The following ATXN2L variants were observed in gnomAD, a reference collection of about 807,000 sequenced individuals.
ATXN2L encodes ataxin-2-like protein.
In ATXN2L, 24 loss-of-function variants were observed where a neutral mutation model predicts 120.7. That is an observed-to-expected ratio of 0.20 (90% confidence interval 0.14 to 0.28). The LOEUF is 0.28. ATXN2L is among the 10% of genes least tolerant of loss of function. The pLI is 1.00. For missense variants in ATXN2L, 1,312 were observed against 1,432.3 expected (o/e 0.92, Z 1.36); for synonymous variants, 653 against 568.1 (o/e 1.15, Z -2.13).
chr16:28,823,219 T>C lies in ATXN2L; in HGVS notation c.-41T>C. 1 of 1,212,456 alleles carries C rather than the reference T, an allele frequency of 8.2e-7. No homozygotes were observed. The allele number at this position is 1,212,456 out of a possible 1,614,324, so 75.1% of individuals were successfully genotyped here. On this transcript the variant is annotated 5_prime_UTR_variant, in exon 1 of 22. Transcript: ENST00000336783. ...GGGGCCCCAGCCCCGGCCCCCTCTC[T>C]CCCTCCCTTCTCTCTAATTCCCCTT...
Position 28,825,357 on chromosome 16 carries a change from C to G in ATXN2L, c.300-9C>G. 6.2e-7 allele frequency: 1 copy of G among 1,613,758 alleles called. No homozygotes were observed. The highest frequency in any genetic ancestry group is 8.5e-7 in the Non-Finnish European group (1 of 1,179,798). On this transcript the variant is annotated splice_polypyrimidine_tract_variant and intron_variant, in intron 1 of 21. Transcript: ENST00000336783. ...ACAGACTTAAGTAATTTCTTGTTTT[C>G]TTTTATAGGGGACAGAGCACAGGAA...
At chr16:28,835,826 T>C in intron 21 of ATXN2L, 68 bp downstream of exon 21, 2 of 1,602,208 alleles carry the variant, frequency 1.2e-6, no homozygotes, top group Admixed American at 1.7e-5. Flanking sequence ...GACCATCCCA[T>C]TGCCAAGTCC....
Position 28,834,569 on chromosome 16 carries a change from C to T in ATXN2L, c.2309C>T (p.Ala770Val), listed in dbSNP as rs755866196. Residue 770 changes from alanine to valine, a missense_variant, in exon 18 of 22, where the codon GCC becomes GTC. Transcript: ENST00000336783. ...GCCTCAGCCCCGCCGATGATGCAGG[C>T]CGCCGCGGCTGCTGGCCCGCCTCTG... The part of the protein sequence containing the change: ...QPASAPPMMQ[A>V]AAAAGPPLVA... The T allele has an allele frequency of 6.2e-7, 1 of 1,612,470 alleles. No homozygotes were observed. The highest frequency in any genetic ancestry group is 1.3e-5 in the African/African-American group (1 of 74,920).
intron 8 of ATXN2L, among the ~76,000 whole-genome samples, chr16:28,830,317 T>C (rs1043522917): frequency 2.0e-5 from 3 of 152,220 alleles, no homozygotes; most frequent in Admixed American, 1.3e-4. Context: ...ATTATTTGTG[T>C]CTTTTAAAAA....
rs1163263637 is a variant in ATXN2L, at chr16:28,823,048, A to C, written c.-212A>C. 7.2e-6 allele frequency: 2 copies of C among 276,540 alleles called. No individual in the cohort carries two copies. Among genetic ancestry groups the C allele is most frequent in the East Asian group, 6.6e-5 (1 of 15,258 alleles). The allele number at this position is 276,540 out of a possible 1,614,324, so 17.1% of individuals were successfully genotyped here. ...GGCTCGCGCCCTCTCGCTTTCCTCCAGCCGCGAGACCCCCTCCCCTTCCGC... is the reference window on the plus strand; with the variant it reads ...GGCTCGCGCCCTCTCGCTTTCCTCCCGCCGCGAGACCCCCTCCCCTTCCGC... On this transcript the variant is annotated 5_prime_UTR_variant, in exon 1 of 22. Transcript: ENST00000336783.
chr16:28,823,309 C>T lies in ATXN2L; in HGVS notation c.50C>T (p.Pro17Leu), dbSNP rs745717480. 1.3e-6 allele frequency: 2 copies of T among 1,492,808 alleles called. No individual in the cohort carries two copies. Among genetic ancestry groups the T allele is most frequent in the Admixed American group, 4.5e-5 (2 of 44,914 alleles). 92.5% of individuals were successfully genotyped at this position (1,492,808 alleles called of 1,614,324 possible). ...LQQPSQPQQP[P>L]PTQQAVARRP... ...CAGCCCTCCCAGCCCCAGCAGCCGC[C>T]CCCCACGCAACAGGCCGTGGCCCGT... The change falls in exon 1 of 22, where the codon CCC becomes CTC. Residue 17 changes from proline (P) to leucine (L), a missense_variant. Coordinates refer to ENST00000336783, the MANE Select transcript of ATXN2L (RefSeq NM_007245.4).
intron 1 of ATXN2L, chr16:28,824,211 G>A: frequency 9.3e-7 from 1 of 1,069,852 alleles, no homozygotes; most frequent in Non-Finnish European, 1.1e-6. Flanking sequence ...GAACACCTAG[G>A]GCAGGGACTA....
chr16:28,823,711 A>T, intron 1 of ATXN2L, 153 bp downstream of exon 1: 2 of 803,664 alleles, frequency 2.5e-6, no homozygotes, highest in South Asian at 5.6e-5. Flanking sequence ...AGGTCCGAAC[A>T]GGTCGGACGG....
chr16:28,833,040 G>A lies in ATXN2L; in HGVS notation c.1660-19G>A. ...TAGGGTCTGGGTCAGACTGGACTGT[G>A]TGTGTTTCTCTCTTCCAGCTTCAGC... On this transcript the variant is annotated intron_variant, in intron 13 of 21. Coordinates refer to ENST00000336783, the MANE Select transcript of ATXN2L (RefSeq NM_007245.4). 6.2e-7 allele frequency: 1 copy of A among 1,611,850 alleles called. No individual in the cohort carries two copies.
In ATXN2L at chr16:28,823,024, GC is replaced by G. The variant is rs1555499197; in HGVS notation, c.-235del. On this transcript the variant is annotated 5_prime_UTR_variant, in exon 1 of 22. Coordinates refer to ENST00000336783, the MANE Select transcript of ATXN2L (RefSeq NM_007245.4). ...GGCGACGCGCACGCGCGCCAGCCCG[GC>G]TCGCGCCCTCTCGCTTTCCTCCAGC... 4.7e-6 allele frequency: 1 copy of G among 212,066 alleles called. No homozygotes were observed. The highest frequency in any genetic ancestry group is 8.9e-6 in the Non-Finnish European group (1 of 111,912). The allele number at this position is 212,066 out of a possible 1,614,324, so 13.1% of individuals were successfully genotyped here.
In ATXN2L at chr16:28,823,336, G is replaced by A. The variant is rs1310198638; in HGVS notation, c.77G>A (p.Arg26Gln). Reference sequence around the variant, plus strand: ...CCCACGCAACAGGCCGTGGCCCGTCGGCCCCCCGGGGGCACCAGCCCTCCC... The same window carrying A: ...CCCACGCAACAGGCCGTGGCCCGTCAGCCCCCCGGGGGCACCAGCCCTCCC... Reference protein sequence around the residue: ...PPPTQQAVARRPPGGTSPPNG... With the variant: ...PPPTQQAVARQPPGGTSPPNG... Residue 26 changes from arginine to glutamine, a missense_variant, in exon 1 of 22, where the codon CGG becomes CAG. Physicochemically the swap from Arg to Gln is conservative, Grantham distance 43. Coordinates refer to ENST00000336783, the MANE Select transcript of ATXN2L (RefSeq NM_007245.4). 4.3e-6 allele frequency: 6 copies of A among 1,387,748 alleles called. No homozygotes were observed. The Admixed American group carries it at 8.6e-5, about 20-fold the overall frequency. 86.0% of individuals were successfully genotyped at this position (1,387,748 alleles called of 1,614,324 possible).
chr16:28,830,936 CAAAA>C (rs373844681), intron 9 of ATXN2L, 22 bp from the exon 10 acceptor site: 60 of 1,270,424 alleles, frequency 4.7e-5, no homozygotes, highest in Admixed American at 9.1e-5. Context: ...ATTTTCTTCT[CAAAA>C]AAAAAAAAAA....
Position 28,823,254 on chromosome 16 carries a change from G to C in ATXN2L, c.-6G>C. The C allele has an allele frequency of 6.9e-7, 1 of 1,457,878 alleles. No homozygotes were observed. The highest frequency in any genetic ancestry group is 1.5e-5 in the African/African-American group (1 of 67,938). The allele number at this position is 1,457,878 out of a possible 1,614,324, so 90.3% of individuals were successfully genotyped here. A position where few individuals can be genotyped will look rare whatever the true frequency, so the allele number is the denominator to read the frequency against. On this transcript the variant is annotated 5_prime_UTR_variant, in exon 1 of 22. Transcript: ENST00000336783. ...CTCTCTAATTCCCCTTCCGGACGCTGCCATCATGTTGAAGCCTCAGCCGCT... is the reference window on the plus strand; with the variant it reads ...CTCTCTAATTCCCCTTCCGGACGCTCCCATCATGTTGAAGCCTCAGCCGCT...
chr16:28,829,695 T>C (rs1265011532), intron 7 of ATXN2L, 163 bp from the exon 8 acceptor site: 2 of 797,324 alleles, frequency 2.5e-6, no homozygotes, highest in Admixed American at 2.4e-5. Flanking sequence ...AGATAAGCCT[T>C]GGTGCTCTAC....
chr16:28,825,740 ACACT>A (rs2051682603), intron 3 of ATXN2L, 26 bp from the exon 4 acceptor site: 5 of 1,613,550 alleles, frequency 3.1e-6, no homozygotes, highest in Non-Finnish European at 4.2e-6. Context: ...CTTTCTGGAG[ACACT>A]CTTCTTATTT....
chr16:28,826,718 TG>T, intron 5 of ATXN2L, 143 bp from the exon 6 acceptor site: 1 of 989,658 alleles, frequency 1.0e-6, no homozygotes, highest in Non-Finnish European at 1.4e-6. Flanking sequence ...CCCCACCCCC[TG>T]GCCATCCTAA....
At chr16:28,834,939 T>C (rs1226321991) in intron 18 of ATXN2L, 119 bp from the exon 19 acceptor site, 9 of 1,364,344 alleles carry the variant, frequency 6.6e-6, no homozygotes, top group East Asian at 2.3e-5. Flanking sequence ...TCGTTATGAA[T>C]GTTGAATCAA....
chr16:28,826,852 G>C lies in ATXN2L; in HGVS notation c.617-10G>C. 1 of 1,564,112 alleles carries C rather than the reference G, an allele frequency of 6.4e-7. No homozygotes were observed. The highest frequency in any genetic ancestry group is 8.7e-7 in the Non-Finnish European group (1 of 1,149,870). ...AGCCTGACTCCTGATCTTCACCTCT[G>C]CCCCCACAGACAAGTTCACCGATTC... On this transcript the variant is annotated splice_polypyrimidine_tract_variant and intron_variant, in intron 5 of 21. Coordinates refer to ENST00000336783, the MANE Select transcript of ATXN2L (RefSeq NM_007245.4).
Position 28,835,075 on chromosome 16 carries a change from G to A in ATXN2L, c.2451G>A (p.Met817Ile), listed in dbSNP as rs369126374. 2.0e-5 allele frequency: 33 copies of A among 1,612,924 alleles called. No individual in the cohort carries two copies. Among genetic ancestry groups the A allele is most frequent in the Admixed American group, 3.3e-5 (2 of 59,892 alleles). The change falls in exon 19 of 22, where the codon ATG (methionine) becomes ATA (isoleucine). Residue 817 changes from methionine (M) to isoleucine (I), a missense_variant. Physicochemically the swap from Met to Ile is conservative, Grantham distance 10 (BLOSUM62 1). Coordinates refer to ENST00000336783, the MANE Select transcript of ATXN2L (RefSeq NM_007245.4). Reference protein sequence around the residue: ...HYPSQPVFAPMLQSNPRMLTS... With the variant: ...HYPSQPVFAPILQSNPRMLTS... ...CCCGCCAGCCGGTGTTTGCCCCCAT[G>A]CTTCAGAGCAACCCACGCATGCTGA...
Sources: gnomAD v4.1 joint callset for allele counts (sites outside exome capture counted in the v4.1 genomes callset) on GRCh38, gnomAD v4.1.1 for gene constraint, MANE v1.5 for transcripts, NCBI Gene and HGNC (gene_info 2026-07-23, HGNC 2026-07-21) for gene names.